Variants in LMBR1 observed in about 807,000 individuals in gnomAD.
LMBR1 encodes limb region 1 protein homolog.
LMBR1 carries 52 observed loss-of-function variants against 73.9 expected under a neutral mutation model. The ratio of observed to expected loss-of-function variants is 0.70; its 90% CI spans 0.56 to 0.89. LMBR1 has a LOEUF of 0.89. Ranked by LOEUF, LMBR1 falls within the 40% of genes least tolerant of loss-of-function variation. The pLI is 0.00. For synonymous variants in LMBR1, 215 were observed against 209.4 expected (o/e 1.03, Z -0.23); for missense variants, 539 against 579.8 (o/e 0.93, Z 0.72).
intron 15 of LMBR1, among the ~76,000 whole-genome samples, chr7:156,688,549 G>C (rs974909229): frequency 6.6e-6 from 1 of 152,014 alleles, no homozygotes; most frequent in Non-Finnish European, 1.5e-5. Context: ...CAGGACGGCT[G>C]TAACTGATCA....
At chr7:156,846,970 T>C (rs1795572302) in intron 1 of LMBR1, among the ~76,000 whole-genome samples, 1 of 152,072 alleles carries the variant, frequency 6.6e-6, no homozygotes, top group Non-Finnish European at 1.5e-5. Flanking sequence ...CAATTATGCA[T>C]ATAAACAAAA....
At chr7:156,828,610 A>G (rs1246967421) in intron 3 of LMBR1, among the ~76,000 whole-genome samples, 5 of 152,190 alleles carry the variant, frequency 3.3e-5, no homozygotes, top group Non-Finnish European at 1.5e-5. Context: ...GTGTAAAAAA[A>G]AGCCATATCT....
chr7:156,785,953 C>A (rs1176017450), intron 5 of LMBR1, among the ~76,000 whole-genome samples: 1 of 152,146 alleles, frequency 6.6e-6, no homozygotes, highest in African/African-American at 2.4e-5. Flanking sequence ...TGCAATAAGC[C>A]ACCAATAAAT....
chr7:156,750,940 T>C (rs1394020428), intron 9 of LMBR1, among the ~76,000 whole-genome samples: 1 of 152,018 alleles, frequency 6.6e-6, no homozygotes, highest in Non-Finnish European at 1.5e-5. Flanking sequence ...CAAAACCTTG[T>C]CTCTACAAAA....
chr7:156,713,507 A>G (rs1812542689), intron 15 of LMBR1, among the ~76,000 whole-genome samples: 1 of 152,066 alleles, frequency 6.6e-6, no homozygotes, highest in Non-Finnish European at 1.5e-5. Flanking sequence ...TACGTGTGCT[A>G]TCTCTGCACT....
At chr7:156,843,540 A>C (rs1027393507) in intron 1 of LMBR1, among the ~76,000 whole-genome samples, 1 of 152,182 alleles carries the variant, frequency 6.6e-6, no homozygotes, top group African/African-American at 2.4e-5. Flanking sequence ...GGTGAAACAC[A>C]ATCATTTCAT....
chr7:156,845,839 C>T (rs906623695), intron 1 of LMBR1, among the ~76,000 whole-genome samples: 1 of 151,826 alleles, frequency 6.6e-6, no homozygotes, highest in African/African-American at 2.4e-5. Context: ...TCAGACAAGG[C>T]TGAATTTAAG....
At chr7:156,719,225 T>A (rs1314833488) in intron 15 of LMBR1, among the ~76,000 whole-genome samples, 1 of 146,352 alleles carries the variant, frequency 6.8e-6, no homozygotes. Context: ...AGTGAGAACA[T>A]GTGGTGTTTG....
intron 3 of LMBR1, among the ~76,000 whole-genome samples, chr7:156,827,921 A>G (rs1235562232): frequency 2.0e-5 from 3 of 152,232 alleles, no homozygotes; most frequent in African/African-American, 7.2e-5. Flanking sequence ...GATATCAGAT[A>G]CAGAATTTCT....
At chr7:156,856,177 A>T (rs1488125210) in intron 1 of LMBR1, among the ~76,000 whole-genome samples, 1 of 152,186 alleles carries the variant, frequency 6.6e-6, no homozygotes, top group Non-Finnish European at 1.5e-5. Context: ...CCAGGGCGAC[A>T]GAGCAAGACT....
intron 3 of LMBR1, among the ~76,000 whole-genome samples, chr7:156,828,598 T>C (rs1051711268): frequency 7.2e-5 from 11 of 152,132 alleles, no homozygotes; most frequent in African/African-American, 1.7e-4. Flanking sequence ...TGAATATAAC[T>C]AGTGTAAAAA....
At chr7:156,748,039 T>A (rs924169105) in intron 9 of LMBR1, 28 of 152,228 alleles carry the variant, frequency 1.8e-4, no homozygotes, top group African/African-American at 6.5e-4. Context: ...ACTGTTACTA[T>A]CTACAAAGGA....
At chr7:156,829,085 G>A (rs144804686) in intron 3 of LMBR1, among the ~76,000 whole-genome samples, 18 of 152,198 alleles carry the variant, frequency 1.2e-4, no homozygotes, top group East Asian at 7.7e-4. Flanking sequence ...TGTACAATCC[G>A]ACCCCAGCCA....
intron 9 of LMBR1, among the ~76,000 whole-genome samples, chr7:156,749,518 A>T (rs1326006178): frequency 6.6e-6 from 1 of 152,220 alleles, no homozygotes; most frequent in East Asian, 1.9e-4. Context: ...TGCTTCTGAC[A>T]GGTCACAAAT....
At chr7:156,771,084 G>A (rs1381464184) in intron 5 of LMBR1, among the ~76,000 whole-genome samples, 1 of 150,830 alleles carries the variant, frequency 6.6e-6, no homozygotes, top group Non-Finnish European at 1.5e-5. Flanking sequence ...TTAGAAATAT[G>A]AAAAAAATGT....
chr7:156,704,448 A>T lies in LMBR1; in HGVS notation c.1226-16257T>A, dbSNP rs185621858. Among the ~76,000 whole-genome samples, 5 of 152,336 alleles carry T rather than the reference A, an allele frequency of 3.3e-5. No homozygotes were observed. The East Asian group carries it at 9.6e-4, about 29-fold the overall frequency. On this transcript the variant is annotated intron_variant, in intron 15 of 16. Transcript: ENST00000353442. ...TCATGGTCACATAGTCAAGAAAAAA[A>T]GTCCCCTCCCAATGAAAGTAAATTT...
At chr7:156,762,259 A>G in intron 7 of LMBR1, 61 bp from the exon 8 acceptor site, 1 of 1,003,992 alleles carries the variant, frequency 1.0e-6, no homozygotes, top group Non-Finnish European at 1.6e-6. Context: ...AGAAAGAGAT[A>G]AACAACTAGA....
At chr7:156,752,319 G>A (rs1366301245) in intron 9 of LMBR1, among the ~76,000 whole-genome samples, 3 of 152,176 alleles carry the variant, frequency 2.0e-5, no homozygotes, top group Non-Finnish European at 4.4e-5. Flanking sequence ...GACCTGGAGG[G>A]GATATGGGGT....
rs573232859 is a variant in LMBR1 at position 156,713,397 on chromosome 7, G to A, written c.1225+10715C>T. Among the ~76,000 whole-genome samples, 4 of 152,296 alleles carry A rather than the reference G, an allele frequency of 2.6e-5. No homozygotes were observed. The East Asian group carries it at 7.7e-4, about 29-fold the overall frequency. On this transcript the variant is annotated intron_variant, in intron 15 of 16. Coordinates refer to ENST00000353442, the MANE Select transcript of LMBR1 (RefSeq NM_022458.4). ...CCCTAACGTAAACTCTGGACTCTGG[G>A]TGATAATGTGTCAGTGCAGGTTCAT...
Sources: allele counts gnomAD v4.1 joint callset (sites outside exome capture counted in the v4.1 genomes callset), GRCh38; gene constraint gnomAD v4.1.1; transcripts MANE v1.5; gene names NCBI Gene and HGNC (gene_info 2026-07-23, HGNC 2026-07-21).